The following AGBL1 variants were observed in gnomAD, a reference collection of about 807,000 sequenced individuals.
The protein encoded by AGBL1 is AGBL carboxypeptidase 1.
In AGBL1, 130 loss-of-function variants were observed where a neutral mutation model predicts 118.9. The ratio of observed to expected loss-of-function variants is 1.09; its 90% CI spans 0.95 to 1.26. The LOEUF (loss-of-function observed/expected upper bound fraction) is 1.26, where lower values mean the gene tolerates loss of function less well. Among genes scored for constraint, AGBL1 ranks in the 50% most tolerant of loss-of-function variants. AGBL1 has a pLI of 0.00. For synonymous variants in AGBL1, 555 were observed against 478.9 expected, an observed-to-expected ratio of 1.16 and a Z score of -2.08; for missense variants, 1,584 against 1,298.1, an observed-to-expected ratio of 1.22 and a Z score of -3.38.
rs1204156432 is a variant in AGBL1, at chr15:86,914,838, G to T, written c.*7544G>T. The T allele has an allele frequency of 6.6e-6, 1 of 152,146 alleles. No individual in the cohort carries two copies. The highest frequency in any genetic ancestry group is 1.5e-5 in the Non-Finnish European group (1 of 68,022). The allele number at this position is 152,146 out of a possible 1,614,324, so 9.4% of individuals were successfully genotyped here. A position where few individuals can be genotyped will look rare whatever the true frequency, so the allele number is the denominator to read the frequency against. ...TTATGGAGCAAGTCTCCATTTCTAGGAAAGTGTGTTGTTCTTGTAGATCCT... is the reference window on the plus strand; with the variant it reads ...TTATGGAGCAAGTCTCCATTTCTAGTAAAGTGTGTTGTTCTTGTAGATCCT... On this transcript the variant is annotated 3_prime_UTR_variant, in exon 23 of 23. Transcript: ENST00000614907.
At chr15:86,605,676 C>T (rs1422485366) in intron 21 of AGBL1, among the ~76,000 whole-genome samples, 1 of 152,136 alleles carries the variant, frequency 6.6e-6, no homozygotes, top group African/African-American at 2.4e-5. Context: ...GTCCAATCTC[C>T]AGTTGAAGCC....
intron 22 of AGBL1, among the ~76,000 whole-genome samples, chr15:86,721,206 T>G (rs557954684): frequency 3.3e-5 from 5 of 152,252 alleles, no homozygotes; most frequent in Middle Eastern, 3.4e-3. Flanking sequence ...AAAAAAAGAA[T>G]TTTAGACCAA....
chr15:86,699,480 T>G (rs2086319604), intron 22 of AGBL1, among the ~76,000 whole-genome samples: 1 of 152,082 alleles, frequency 6.6e-6, no homozygotes, highest in South Asian at 2.1e-4. Flanking sequence ...AATAATAAGA[T>G]TCATTTCGTT....
In AGBL1 at chr15:86,215,221, A is replaced by ATGTG. The variant is rs766862249; in HGVS notation, c.489-9691_489-9690insTGTG. On this transcript the variant is annotated intron_variant, in intron 5 of 22. Transcript: ENST00000614907. The stretch of plus-strand genomic sequence containing the variant: ...TGTGTGTGTGTGTGAGTGTATATGT[A>ATGTG]TGCGTGTGTGTGTGTGTGTGTGTGT... Among the ~76,000 whole-genome samples, 815 of 124,748 alleles carry ATGTG rather than the reference A, an allele frequency of 6.5e-3. 7 individuals carry two copies. The highest frequency in any genetic ancestry group is 0.026 in the African/African-American group (751 of 29,022). 81.8% of individuals were successfully genotyped at this position (124,748 alleles called of 152,430 possible).
chr15:86,877,153 T>A (rs2079822053), intron 22 of AGBL1, among the ~76,000 whole-genome samples: 1 of 152,050 alleles, frequency 6.6e-6, no homozygotes, highest in African/African-American at 2.4e-5. Context: ...AAAAGCCCCA[T>A]AACCAATCCC....
At chr15:86,568,508 C>T (rs1596274592) in intron 21 of AGBL1, among the ~76,000 whole-genome samples, 1 of 152,312 alleles carries the variant, frequency 6.6e-6, no homozygotes, top group East Asian at 1.9e-4. Context: ...CTGACTATTT[C>T]TGCCTACTTA....
chr15:86,852,059 T>G (rs2141460546), intron 22 of AGBL1, among the ~76,000 whole-genome samples: 1 of 152,232 alleles, frequency 6.6e-6, no homozygotes, highest in East Asian at 1.9e-4. Context: ...GTCCATGTAT[T>G]CATCCGTATT....
At chr15:86,411,636 A>T (rs762469581) in intron 18 of AGBL1, among the ~76,000 whole-genome samples, 2 of 152,098 alleles carry the variant, frequency 1.3e-5, no homozygotes, top group Non-Finnish European at 2.9e-5. Context: ...CTCCACAGAA[A>T]ATGCTTTCTT....
intron 21 of AGBL1, among the ~76,000 whole-genome samples, chr15:86,580,944 C>G (rs184215014): frequency 6.6e-6 from 1 of 152,218 alleles, no homozygotes; most frequent in Admixed American, 6.5e-5. Context: ...AATTTACTTA[C>G]AACTGTTAGA....
At chr15:86,595,739 G>A (rs189050559) in intron 21 of AGBL1, among the ~76,000 whole-genome samples, 22 of 152,196 alleles carry the variant, frequency 1.4e-4, no homozygotes, top group Non-Finnish European at 2.9e-4. Flanking sequence ...CAGGGCTAGC[G>A]GAGTGATAGA....
intron 17 of AGBL1, among the ~76,000 whole-genome samples, chr15:86,375,342 C>A (rs948725681): frequency 1.3e-5 from 2 of 152,058 alleles, no homozygotes; most frequent in African/African-American, 4.8e-5. Flanking sequence ...GAGGAATTTC[C>A]AAACATTTAT....
At chr15:86,820,357 C>G (rs556412075) in intron 22 of AGBL1, among the ~76,000 whole-genome samples, 239 of 152,258 alleles carry the variant, frequency 1.6e-3, no homozygotes, top group Non-Finnish European at 2.4e-3. Flanking sequence ...GAACAGGCAA[C>G]CTACAGAATG....
intron 21 of AGBL1, among the ~76,000 whole-genome samples, chr15:86,646,022 T>C (rs1419138453): frequency 6.6e-6 from 1 of 152,200 alleles, no homozygotes; most frequent in Non-Finnish European, 1.5e-5. Context: ...ATAACTCCTC[T>C]GAATGTGTAA....
intron 17 of AGBL1, among the ~76,000 whole-genome samples, chr15:86,323,845 T>G (rs771002227): frequency 6.6e-6 from 1 of 152,230 alleles, no homozygotes; most frequent in Non-Finnish European, 1.5e-5. Flanking sequence ...TTAATGGACT[T>G]ACCACTACTG....
At chr15:86,717,667 A>G (rs2086658069) in intron 22 of AGBL1, among the ~76,000 whole-genome samples, 5 of 151,214 alleles carry the variant, frequency 3.3e-5, no homozygotes, top group Admixed American at 2.6e-4. Flanking sequence ...GCATGTTTGT[A>G]TTGCCTCTGA....
intron 11 of AGBL1, 21 bp from the exon 12 acceptor site, chr15:86,266,353 G>C: frequency 6.4e-7 from 1 of 1,552,678 alleles, no homozygotes; most frequent in Non-Finnish European, 8.7e-7. Flanking sequence ...CCCTTAAAAT[G>C]TTTTCAATTT....
chr15:86,245,711 A>C (rs1679705574), intron 6 of AGBL1, among the ~76,000 whole-genome samples: 1 of 152,176 alleles, frequency 6.6e-6, no homozygotes, highest in South Asian at 2.1e-4. Flanking sequence ...AAGGAGTTGA[A>C]AAGGTCCCTA....
At chr15:86,750,647 A>T (rs1036306675) in intron 22 of AGBL1, among the ~76,000 whole-genome samples, 2 of 151,846 alleles carry the variant, frequency 1.3e-5, no homozygotes, top group African/African-American at 4.8e-5. Flanking sequence ...TTTATTTTTT[A>T]ATTTTTTTAA....
chr15:86,900,222 T>C (rs1400035933), intron 22 of AGBL1, among the ~76,000 whole-genome samples: 4 of 152,158 alleles, frequency 2.6e-5, no homozygotes, highest in African/African-American at 9.7e-5. Flanking sequence ...GGATGGCCTA[T>C]TGTGGGACTT....
Sources: gnomAD v4.1 joint callset for allele counts (sites outside exome capture counted in the v4.1 genomes callset) on GRCh38, gnomAD v4.1.1 for gene constraint, MANE v1.5 for transcripts, NCBI Gene and HGNC (gene_info 2026-07-23, HGNC 2026-07-21) for gene names.